Variants in CAAP1 observed in about 807,000 individuals in gnomAD.
CAAP1 encodes the protein conserved anti-apoptotic protein.
Under a neutral mutation model 34.0 loss-of-function variants are expected in CAAP1, and 20 were observed. The observed-to-expected ratio is 0.59, with a 90% confidence interval of 0.41 to 0.86. CAAP1 has a LOEUF of 0.86. CAAP1 is among the 40% of genes least tolerant of loss of function. The probability of loss-of-function intolerance (pLI) is 0.00; values close to 1 mark genes in which losing one functional copy is unlikely to be tolerated. For synonymous variants in CAAP1, 213 were observed against 166.7 expected (o/e 1.28, Z -2.14); for missense variants, 538 against 450.5 (o/e 1.19, Z -1.76).
chr9:26,846,269 T>C (rs1822598056), intron 5 of CAAP1, among the ~76,000 whole-genome samples: 1 of 151,754 alleles, frequency 6.6e-6, no homozygotes, highest in Non-Finnish European at 1.5e-5. Flanking sequence ...ATACAAAAAT[T>C]AGCCGAGCGT....
rs764146942 is a variant in CAAP1, at chr9:26,886,123, T to G, written c.570A>C (p.Lys190Asn). The G allele has an allele frequency of 6.4e-7, 1 of 1,554,100 alleles. No individual in the cohort carries two copies. Among genetic ancestry groups the G allele is most frequent in the Non-Finnish European group, 8.7e-7 (1 of 1,153,684 alleles). The part of the protein sequence containing the change: ...QEQLELLSEK[K>N]ILKILEGDNG... Reference sequence around the variant, plus strand: ...TCTTACCCTCAAGAATCTTCAAAATTTTTTTTTCAGACAGGAGCTCTAACT... The same window carrying G: ...TCTTACCCTCAAGAATCTTCAAAATGTTTTTTTCAGACAGGAGCTCTAACT... Residue 190 changes from lysine to asparagine, a missense_variant, in exon 3 of 6, where the codon AAA (lysine) becomes AAC (asparagine). Around this residue, in one of 3 missense-constraint regions of CAAP1, gnomAD observed 514 missense variants for 408.4 expected, o/e 1.26. Transcript: ENST00000333916.
chr9:26,860,373 T>G (rs539990671), intron 5 of CAAP1, among the ~76,000 whole-genome samples: 1 of 152,130 alleles, frequency 6.6e-6, no homozygotes, highest in Non-Finnish European at 1.5e-5. Flanking sequence ...AGAAAGTAAG[T>G]AAACAAGGAC....
At chr9:26,865,558 T>G (rs780141140) in intron 4 of CAAP1, among the ~76,000 whole-genome samples, 1 of 151,892 alleles carries the variant, frequency 6.6e-6, no homozygotes, top group Non-Finnish European at 1.5e-5. Flanking sequence ...TCTTTAGGTT[T>G]GTGTAGCATA....
In CAAP1 at chr9:26,892,646, C is replaced by G. The variant is rs777583846; in HGVS notation, c.70G>C (p.Ala24Pro). 2.5e-6 allele frequency: 4 copies of G among 1,608,102 alleles called. No individual in the cohort carries two copies. Among genetic ancestry groups the G allele is most frequent in the Non-Finnish European group, 2.5e-6 (3 of 1,179,272 alleles). ...AACGCGGGTACGATGTCCGGGGCCG[C>G]GAGCGCTGCGGCCGCCTCCTGACTG... The part of the protein sequence containing the change: ...RSSQEAAAAL[A>P]APDIVPALAS... The change falls in exon 1 of 6, where the codon GCG becomes CCG. Residue 24 changes from alanine (A) to proline (P), a missense_variant. By Grantham distance (27) the Ala-to-Pro change is conservative. This residue lies in a region of CAAP1 where 514 missense variants were observed against 408.4 expected (regional missense o/e 1.26). Coordinates refer to ENST00000333916, the MANE Select transcript of CAAP1 (RefSeq NM_024828.4).
chr9:26,868,564 T>C (rs1823195098), intron 4 of CAAP1, among the ~76,000 whole-genome samples: 1 of 152,216 alleles, frequency 6.6e-6, no homozygotes, highest in Non-Finnish European at 1.5e-5. Context: ...AAAATAAATA[T>C]GTGTTGCTTT....
intron 5 of CAAP1, among the ~76,000 whole-genome samples, chr9:26,848,044 A>G (rs946675823): frequency 1.6e-4 from 25 of 152,210 alleles, no homozygotes; most frequent in African/African-American, 5.5e-4. Context: ...GAGGTTTCAC[A>G]AGCATATCAC....
chr9:26,853,635 G>A (rs1425079463), intron 5 of CAAP1, among the ~76,000 whole-genome samples: 1 of 152,168 alleles, frequency 6.6e-6, no homozygotes, highest in Admixed American at 6.5e-5. Flanking sequence ...TGAGCACTGA[G>A]CAATGACGAG....
rs1459952103 is a variant in CAAP1 at position 26,842,521 on chromosome 9, C to G, written c.866G>C (p.Gly289Ala). 3.1e-6 allele frequency: 5 copies of G among 1,614,158 alleles called. No homozygotes were observed. The highest frequency in any genetic ancestry group is 3.4e-6 in the Non-Finnish European group (4 of 1,180,022). The change falls in exon 6 of 6, where the codon GGT (glycine) becomes GCT (alanine). Residue 289 changes from glycine (G) to alanine (A), a missense_variant. Physicochemically the swap from Gly to Ala is moderately conservative, Grantham distance 60. Transcript: ENST00000333916. ...GTCTTTCTCCAGGTCATCTATCTGA[C>G]CAGCTTCACTTTGGACTGTATTTTC... ...APENTVQSEA[G>A]QIDDLEKDIE...
At chr9:26,844,826 C>CT (rs1354126420) in intron 5 of CAAP1, among the ~76,000 whole-genome samples, 3 of 152,150 alleles carry the variant, frequency 2.0e-5, no homozygotes, top group Non-Finnish European at 2.9e-5. Context: ...TAGTTTTTTT[C>CT]TGTGGCAACT....
At chr9:26,889,927 A>G (rs1296585692) in intron 1 of CAAP1, among the ~76,000 whole-genome samples, 1 of 151,812 alleles carries the variant, frequency 6.6e-6, no homozygotes, top group Non-Finnish European at 1.5e-5. Context: ...GGCACTCTCT[A>G]AAGTTTGAAA....
intron 4 of CAAP1, among the ~76,000 whole-genome samples, chr9:26,871,058 G>T (rs1385986192): frequency 3.3e-5 from 5 of 152,144 alleles, no homozygotes; most frequent in Admixed American, 3.3e-4. Context: ...GGTTTAAGGA[G>T]GACTCTTTTA....
At chr9:26,883,206 G>A (rs2131337777) in intron 4 of CAAP1, among the ~76,000 whole-genome samples, 1 of 152,246 alleles carries the variant, frequency 6.6e-6, no homozygotes, top group Admixed American at 6.5e-5. Context: ...GAATGATACG[G>A]TTTGGCTGTG....
rs142496110 is a variant in CAAP1 at position 26,864,305 on chromosome 9, TTAA to T, written c.666-3169_666-3167del. On this transcript the variant is annotated intron_variant, in intron 4 of 5. Transcript: ENST00000333916. Reference sequence around the variant, plus strand: ...AATACACTGGGGAGATCTGTGGAACTTAATAAAGAACCACATATATGAACCCCT... The same window carrying T: ...AATACACTGGGGAGATCTGTGGAACTTAAAGAACCACATATATGAACCCCT... Among the ~76,000 whole-genome samples the T allele has an allele frequency of 4.4e-3, 665 of 152,234 alleles. 6 individuals are homozygous for T. Among genetic ancestry groups the T allele is most frequent in the African/African-American group, 0.015 (615 of 41,526 alleles).
chr9:26,878,230 C>T (rs536465616), intron 4 of CAAP1, among the ~76,000 whole-genome samples: 18 of 152,248 alleles, frequency 1.2e-4, no homozygotes, highest in Admixed American at 3.9e-4. Context: ...TTGTTCATTC[C>T]TCTAACAGCT....
intron 4 of CAAP1, among the ~76,000 whole-genome samples, chr9:26,864,995 C>A (rs1236117014): frequency 6.6e-6 from 1 of 152,044 alleles, no homozygotes; most frequent in East Asian, 1.9e-4. Flanking sequence ...TAAGTGGTGT[C>A]CAGATAACCA....
chr9:26,872,839 G>A (rs1471239438), intron 4 of CAAP1, among the ~76,000 whole-genome samples: 1 of 151,174 alleles, frequency 6.6e-6, no homozygotes, highest in East Asian at 1.9e-4. Context: ...CTAAATGTAA[G>A]GCCTATTTAG....
chr9:26,872,689 T>C (rs1216438980), intron 4 of CAAP1, among the ~76,000 whole-genome samples: 5 of 151,718 alleles, frequency 3.3e-5, no homozygotes, highest in African/African-American at 9.7e-5. Context: ...CCCAAAGTGC[T>C]CAGATTACAG....
chr9:26,866,514 T>C (rs1823142520), intron 4 of CAAP1, among the ~76,000 whole-genome samples: 1 of 152,188 alleles, frequency 6.6e-6, no homozygotes, highest in African/African-American at 2.4e-5. Context: ...TTGTATTATG[T>C]GTATGTGTTT....
In CAAP1 at chr9:26,841,031, C is replaced by T. The variant is rs542582660; in HGVS notation, c.*1270G>A. 1 of 152,036 alleles carries T rather than the reference C, an allele frequency of 6.6e-6. No homozygotes were observed. The highest frequency in any genetic ancestry group is 2.4e-5 in the African/African-American group (1 of 41,410). 9.4% of individuals were successfully genotyped at this position (152,036 alleles called of 1,614,324 possible). ...TCCAAGGCATGTTCAGGAACAACAA[C>T]AACAAAAAGAATTTGTAACTGCAAT... On this transcript the variant is annotated 3_prime_UTR_variant, in exon 6 of 6. Coordinates refer to ENST00000333916, the MANE Select transcript of CAAP1 (RefSeq NM_024828.4).
Sources: allele counts gnomAD v4.1 joint callset (sites outside exome capture counted in the v4.1 genomes callset), GRCh38; gene constraint gnomAD v4.1.1; regional missense constraint gnomAD v4.1.1; transcripts MANE v1.5; gene names NCBI Gene and HGNC (gene_info 2026-07-23, HGNC 2026-07-21).